Variants in ATG10 observed in about 807,000 individuals in gnomAD.
The protein encoded by ATG10 is ubiquitin-like-conjugating enzyme ATG10.
ATG10 carries 30 observed loss-of-function variants against 32.1 expected under a neutral mutation model. The ratio of observed to expected loss-of-function variants is 0.94; its 90% CI spans 0.70 to 1.27. ATG10 has a LOEUF of 1.27. Ranked by LOEUF, ATG10 falls within the 50% of genes most tolerant of loss-of-function variation. The pLI is 0.00. For synonymous variants in ATG10, 87 were observed against 91.5 expected (o/e 0.95, Z 0.28); for missense variants, 233 against 262.3 (o/e 0.89, Z 0.77).
chr5:82,170,945 A>G (rs3857369), intron 4 of ATG10, among the ~76,000 whole-genome samples: 77,084 of 151,690 alleles, frequency 0.51, 22,179 homozygotes, highest in East Asian at 0.9. Context: ...CAGGGAAAAA[A>G]AAAAGAAAAC....
intron 3 of ATG10, among the ~76,000 whole-genome samples, chr5:82,092,942 T>A (rs1307011489): frequency 6.6e-6 from 1 of 152,184 alleles, no homozygotes; most frequent in Non-Finnish European, 1.5e-5. Flanking sequence ...ACAAATATTT[T>A]AGATAAATTC....
At chr5:82,168,399 A>G (rs568466876) in intron 4 of ATG10, among the ~76,000 whole-genome samples, 4 of 152,310 alleles carry the variant, frequency 2.6e-5, no homozygotes, top group South Asian at 2.1e-4. Flanking sequence ...CTCAGTCTCT[A>G]TTGAAAAATG....
At chr5:82,224,532 G>A (rs879699718) in intron 5 of ATG10, among the ~76,000 whole-genome samples, 2 of 152,084 alleles carry the variant, frequency 1.3e-5, no homozygotes, top group Non-Finnish European at 2.9e-5. Context: ...ACTATGAATC[G>A]GGTATTTGCA....
intron 1 of ATG10, chr5:81,973,201 C>G (rs1287544088): frequency 6.6e-6 from 1 of 152,314 alleles, no homozygotes; most frequent in Non-Finnish European, 1.5e-5. Flanking sequence ...ACGATCTCGG[C>G]TCACTGCAAC....
At chr5:82,015,848 A>G (rs907822062) in intron 2 of ATG10, among the ~76,000 whole-genome samples, 53 of 152,346 alleles carry the variant, frequency 3.5e-4, no homozygotes, top group African/African-American at 1.2e-3. Flanking sequence ...TTCTCCGTCT[A>G]GCTTTGTTCC....
At position 81,980,340 on chromosome 5, in the gene ATG10, A is replaced by T. The variant is rs192373959; in HGVS notation, c.-12-7219A>T. Among the ~76,000 whole-genome samples, 851 of 152,164 alleles carry T rather than the reference A, an allele frequency of 5.6e-3. 3 individuals carry two copies. The highest frequency in any genetic ancestry group is 9.2e-3 in the Non-Finnish European group (628 of 68,002). On this transcript the variant is annotated intron_variant, in intron 1 of 7. Coordinates refer to ENST00000282185, the MANE Select transcript of ATG10 (RefSeq NM_031482.5). The stretch of plus-strand genomic sequence containing the variant: ...TTTATGGTAGTTCCCCTCTTTTCTT[A>T]TGCAAGAGCTTCTTAAAGGTCTTGT...
At chr5:82,054,517 T>C (rs913653773) in intron 2 of ATG10, among the ~76,000 whole-genome samples, 3 of 152,186 alleles carry the variant, frequency 2.0e-5, no homozygotes, top group Non-Finnish European at 2.9e-5. Context: ...ATGGTCCTGC[T>C]CTCTTGCAGA....
intron 1 of ATG10, among the ~76,000 whole-genome samples, chr5:81,983,910 C>A (rs1425830246): frequency 1.3e-5 from 2 of 151,622 alleles, no homozygotes; most frequent in Non-Finnish European, 2.9e-5. Flanking sequence ...CTATGGGCGG[C>A]CGGGCAGAGA....
chr5:82,221,069 T>C (rs1249792973), intron 5 of ATG10, among the ~76,000 whole-genome samples: 1 of 152,186 alleles, frequency 6.6e-6, no homozygotes, highest in Admixed American at 6.5e-5. Context: ...CCATCTCTTT[T>C]ATGGTTTCTA....
chr5:82,166,434 T>G (rs1031478803), intron 4 of ATG10, among the ~76,000 whole-genome samples: 4 of 152,216 alleles, frequency 2.6e-5, no homozygotes, highest in Admixed American at 6.5e-5. Flanking sequence ...CATTAAAATA[T>G]CAAATTTAAT....
At chr5:82,115,076 G>A (rs905489089) in intron 3 of ATG10, among the ~76,000 whole-genome samples, 5 of 152,132 alleles carry the variant, frequency 3.3e-5, no homozygotes, top group African/African-American at 1.2e-4. Context: ...TTAGAGGTTT[G>A]TATTGAATGG....
At chr5:82,133,882 C>G (rs1004683666) in intron 3 of ATG10, among the ~76,000 whole-genome samples, 6 of 151,788 alleles carry the variant, frequency 4.0e-5, no homozygotes, top group Non-Finnish European at 7.4e-5. Context: ...TGTTCGTGTC[C>G]TCTCTTATTT....
At chr5:82,173,172 A>G (rs866113934) in intron 4 of ATG10, among the ~76,000 whole-genome samples, 1 of 152,198 alleles carries the variant, frequency 6.6e-6, no homozygotes, top group African/African-American at 2.4e-5. Context: ...AAAAAATGTT[A>G]GTGAAACCGT....
At chr5:82,182,675 T>C (rs1744280374) in intron 5 of ATG10, among the ~76,000 whole-genome samples, 1 of 152,134 alleles carries the variant, frequency 6.6e-6, no homozygotes, top group African/African-American at 2.4e-5. Flanking sequence ...GACAAAATCA[T>C]GGACTGAAGA....
chr5:82,049,305 A>G (rs1427590335), intron 2 of ATG10, among the ~76,000 whole-genome samples: 1 of 150,866 alleles, frequency 6.6e-6, no homozygotes, highest in Non-Finnish European at 1.5e-5. Flanking sequence ...AGAACAAAAA[A>G]CCAAACACTG....
intron 4 of ATG10, among the ~76,000 whole-genome samples, chr5:82,174,885 G>A (rs969730574): frequency 6.6e-6 from 1 of 152,162 alleles, no homozygotes; most frequent in Non-Finnish European, 1.5e-5. Context: ...TGAGATAGCC[G>A]TTATGGGCCT....
chr5:82,064,575 G>A (rs1370451699), intron 3 of ATG10, among the ~76,000 whole-genome samples: 2 of 151,994 alleles, frequency 1.3e-5, no homozygotes, highest in African/African-American at 4.8e-5. Flanking sequence ...ATTTATGCCA[G>A]CATTAATGCC....
intron 3 of ATG10, among the ~76,000 whole-genome samples, chr5:82,077,746 A>G (rs542958210): frequency 6.6e-6 from 1 of 152,318 alleles, no homozygotes; most frequent in Admixed American, 6.5e-5. Context: ...TTTATAAAGC[A>G]AAATCCTGTC....
chr5:81,994,833 C>T (rs1761614089), intron 2 of ATG10, among the ~76,000 whole-genome samples: 1 of 152,090 alleles, frequency 6.6e-6, no homozygotes, highest in South Asian at 2.1e-4. Flanking sequence ...CTCCTAGAGT[C>T]ACACTATAAT....
Sources: allele counts gnomAD v4.1 joint callset (sites outside exome capture counted in the v4.1 genomes callset), GRCh38; gene constraint gnomAD v4.1.1; transcripts MANE v1.5; gene names NCBI Gene and HGNC (gene_info 2026-07-23, HGNC 2026-07-21).